Variants in GDI2 observed in about 807,000 individuals in gnomAD.
The protein encoded by GDI2 is GDP dissociation inhibitor 2.
A neutral mutation model predicts 54.2 loss-of-function variants in GDI2; 22 were observed. The observed-to-expected ratio is 0.41, with a 90% CI of 0.29 to 0.58. The LOEUF is 0.58. Among genes scored for constraint, GDI2 ranks in the 20% least tolerant of loss-of-function variants. The pLI is 0.35. For missense variants in GDI2, 422 were observed against 546.0 expected (o/e 0.77, Z 2.26); for synonymous variants, 177 against 182.1 (o/e 0.97, Z 0.23).
intron 2 of GDI2, among the ~76,000 whole-genome samples, chr10:5,799,717 C>T (rs868824379): frequency 1.4e-4 from 21 of 152,174 alleles, no homozygotes; most frequent in African/African-American, 5.1e-4. Context: ...TAAGAGATTA[C>T]TGGGACCACT....
At chr10:5,798,523 A>T (rs888127646) in intron 2 of GDI2, among the ~76,000 whole-genome samples, 4 of 151,198 alleles carry the variant, frequency 2.6e-5, no homozygotes, top group African/African-American at 9.7e-5. Flanking sequence ...TAGGAGGTGG[A>T]GGTTGCACTG....
intron 4 of GDI2, among the ~76,000 whole-genome samples, chr10:5,794,182 A>AT (rs1841081088): frequency 5.5e-5 from 3 of 54,388 alleles, no homozygotes; most frequent in Non-Finnish European, 6.9e-5. Flanking sequence ...GAAAAAAAAA[A>AT]AAAAAAATAT....
intron 4 of GDI2, among the ~76,000 whole-genome samples, chr10:5,786,765 C>T (rs1166304238): frequency 2.6e-5 from 4 of 152,172 alleles, no homozygotes; most frequent in Non-Finnish European, 4.4e-5. Context: ...CTTGCTTTTC[C>T]GCCTCTGTAT....
intron 4 of GDI2, among the ~76,000 whole-genome samples, chr10:5,791,558 A>G (rs990005062): frequency 6.6e-6 from 1 of 151,734 alleles, no homozygotes; most frequent in African/African-American, 2.4e-5. Context: ...GACCAGCCTG[A>G]CCAACATGGA....
In GDI2 at chr10:5,779,512, A is replaced by T. The variant is rs118076128; in HGVS notation, c.720-5571T>A. Reference sequence around the variant, plus strand: ...GACTCCGTCTCGAAAAAAAAAAAATAAGAAAAAATAAAACTATAGAAAATG... The same window carrying T: ...GACTCCGTCTCGAAAAAAAAAAAATTAGAAAAAATAAAACTATAGAAAATG... On this transcript the variant is annotated intron_variant, in intron 6 of 10. Transcript: ENST00000380191. Among the ~76,000 whole-genome samples, 887 of 151,508 alleles carry T rather than the reference A, an allele frequency of 5.9e-3. 10 individuals are homozygous for T. Among genetic ancestry groups the T allele is most frequent in the Middle Eastern group, 0.041 (12 of 294 alleles).
At chr10:5,795,678 C>G (rs1841130657) in intron 3 of GDI2, among the ~76,000 whole-genome samples, 1 of 151,944 alleles carries the variant, frequency 6.6e-6, no homozygotes, top group Admixed American at 6.6e-5. Flanking sequence ...ACCTGTAATC[C>G]CAGCACTTTG....
intron 6 of GDI2, among the ~76,000 whole-genome samples, chr10:5,780,215 AAAAAAC>A: frequency 7.4e-6 from 1 of 135,002 alleles, no homozygotes; most frequent in African/African-American, 2.5e-5. Flanking sequence ...TCTCCAAAAA[AAAAAAC>A]AAACAAACAA....
At chr10:5,799,678 G>A (rs929306635) in intron 2 of GDI2, among the ~76,000 whole-genome samples, 5 of 152,130 alleles carry the variant, frequency 3.3e-5, no homozygotes, top group East Asian at 3.8e-4. Context: ...AGAATAAAGA[G>A]AAAATTATAC....
intron 2 of GDI2, among the ~76,000 whole-genome samples, chr10:5,799,869 CAA>C (rs968139187): frequency 9.2e-5 from 14 of 151,710 alleles, no homozygotes; most frequent in African/African-American, 3.4e-4. Context: ...AAACCAGTAA[CAA>C]AAAAAGAGAC....
Position 5,794,215 on chromosome 10 carries a change from AT to A in GDI2, c.388+669del, listed in dbSNP as rs1841094409. On this transcript the variant is annotated intron_variant, in intron 4 of 10. Coordinates refer to ENST00000380191, the MANE Select transcript of GDI2 (RefSeq NM_001494.4). ...TATATATATATATATATATATATAT[AT>A]ATATATATATATATATAAAACTCAC... Among the ~76,000 whole-genome samples the A allele has an allele frequency of 4.9e-5, 6 of 123,070 alleles. 1 individual carries two copies. Among genetic ancestry groups the A allele is most frequent in the African/African-American group, 1.4e-4 (5 of 34,658 alleles). 80.7% of individuals were successfully genotyped at this position (123,070 alleles called of 152,430 possible).
intron 2 of GDI2, among the ~76,000 whole-genome samples, chr10:5,798,604 A>G (rs1267121083): frequency 1.3e-5 from 2 of 151,910 alleles, no homozygotes; most frequent in Non-Finnish European, 1.5e-5. Flanking sequence ...AAAAAAAAAG[A>G]AAAAATTCAT....
At chr10:5,769,819 T>C (rs1396416994) in intron 7 of GDI2, among the ~76,000 whole-genome samples, 1 of 152,238 alleles carries the variant, frequency 6.6e-6, no homozygotes, top group Non-Finnish European at 1.5e-5. Flanking sequence ...GAAAATGGTA[T>C]GGCAGTTTCT....
intron 4 of GDI2, among the ~76,000 whole-genome samples, chr10:5,788,872 CCCACCTAAGCAT>C (rs1368361963): frequency 3.3e-5 from 5 of 152,042 alleles, no homozygotes; most frequent in Admixed American, 3.3e-4. Context: ...AAGCAATACT[CCCACCTAAGCAT>C]CCCGAGTAGC....
intron 1 of GDI2, among the ~76,000 whole-genome samples, chr10:5,804,224 G>A (rs7909733): frequency 0.53 from 80,152 of 151,846 alleles, 21,697 homozygotes; most frequent in Middle Eastern, 0.65. Flanking sequence ...CTCCTAAATA[G>A]CTGGGATTAC....
intron 6 of GDI2, among the ~76,000 whole-genome samples, chr10:5,778,676 A>T (rs1588971303): frequency 6.6e-6 from 1 of 152,244 alleles, no homozygotes; most frequent in East Asian, 1.9e-4. Context: ...CCATTTAAAA[A>T]TACCAAGGAG....
intron 4 of GDI2, 113 bp from the exon 5 acceptor site, chr10:5,786,163 CA>C: frequency 9.0e-6 from 4 of 444,828 alleles, no homozygotes; most frequent in South Asian, 2.9e-5. Context: ...ATGCAGGATG[CA>C]ATTTTTTTTT....
intron 1 of GDI2, among the ~76,000 whole-genome samples, chr10:5,805,736 A>C (rs1841364729): frequency 6.6e-6 from 1 of 152,182 alleles, no homozygotes; most frequent in Admixed American, 6.6e-5. Flanking sequence ...AGAATTACTA[A>C]AGCTGTGTTT....
At chr10:5,790,544 G>A (rs1840988256) in intron 4 of GDI2, among the ~76,000 whole-genome samples, 1 of 152,140 alleles carries the variant, frequency 6.6e-6, no homozygotes, top group Non-Finnish European at 1.5e-5. Flanking sequence ...ACTTGGGGAG[G>A]CTGAGGCAGG....
chr10:5,767,685 A>G (rs1189525013), intron 8 of GDI2, among the ~76,000 whole-genome samples: 1 of 152,210 alleles, frequency 6.6e-6, no homozygotes, highest in Non-Finnish European at 1.5e-5. Context: ...ATTTTAGATA[A>G]ATAAAAAGAT....
Sources: gnomAD v4.1 joint callset for allele counts (sites outside exome capture counted in the v4.1 genomes callset) on GRCh38, gnomAD v4.1.1 for gene constraint, MANE v1.5 for transcripts, NCBI Gene and HGNC (gene_info 2026-07-23, HGNC 2026-07-21) for gene names.